The following DYNC2H1 variants were observed in gnomAD, a reference collection of about 807,000 sequenced individuals.
DYNC2H1 encodes cytoplasmic dynein 2 heavy chain 1.
DYNC2H1 carries 410 observed loss-of-function variants against 570.0 expected under a neutral mutation model. That is an observed-to-expected ratio of 0.72 (90% CI 0.66 to 0.78). The LOEUF (loss-of-function observed/expected upper bound fraction) is 0.78. Among genes scored for constraint, DYNC2H1 ranks in the 30% least tolerant of loss-of-function variants. The pLI, the probability that DYNC2H1 is intolerant of heterozygous loss-of-function variation, is 0.00. For synonymous variants in DYNC2H1, 1,688 were observed against 1,677.6 expected (o/e 1.01, Z -0.15); for missense variants, 4,865 against 5,046.4 (o/e 0.96, Z 1.09).
chr11:103,205,833 G>A lies in DYNC2H1; in HGVS notation c.8454+869G>A, dbSNP rs1419815118. 6.6e-6 allele frequency among the ~76,000 whole-genome samples: 1 copy of A among 152,176 alleles called. No homozygotes were observed. Among genetic ancestry groups the A allele is most frequent in the East Asian group, 1.9e-4 (1 of 5,184 alleles). ...AAGAGGCAACTTCACCTGGAGCAGAGTGATTGAGGGGAGAGTTGGTGAAGA... is the reference window on the plus strand; with the variant it reads ...AAGAGGCAACTTCACCTGGAGCAGAATGATTGAGGGGAGAGTTGGTGAAGA... On this transcript the variant is annotated intron_variant, in intron 52 of 88. Transcript: ENST00000375735. This position sits in a 1 kb window ranked among gnomAD's most constrained non-coding sequence, Gnocchi z 4.5.
chr11:103,116,435 C>T (rs752587189), intron 4 of DYNC2H1, 135 bp from the exon 5 acceptor site: 13 of 515,274 alleles, frequency 2.5e-5, no homozygotes, highest in Non-Finnish European at 3.7e-5. Flanking sequence ...TAGTTATAAG[C>T]TGTTAGAAAA....
Position 103,170,417 on chromosome 11 carries a change from A to T in DYNC2H1, c.5151+127A>T. ...AATTAGTTGAAGACAGAATTTGTTT[A>T]AATTGAAATGTAAAATGGACAGAGG... On this transcript the variant is annotated intron_variant, in intron 33 of 88. Transcript: ENST00000375735. This position sits in a 1 kb window ranked among gnomAD's most constrained non-coding sequence, Gnocchi z 4.8. 9.8e-7 allele frequency: 1 copy of T among 1,016,598 alleles called. No homozygotes were observed. Among genetic ancestry groups the T allele is most frequent in the Non-Finnish European group, 1.4e-6 (1 of 737,324 alleles). 63.0% of individuals were successfully genotyped at this position (1,016,598 alleles called of 1,614,324 possible).
chr11:103,438,121 C>T (rs1317498930), intron 85 of DYNC2H1, among the ~76,000 whole-genome samples: 2 of 152,042 alleles, frequency 1.3e-5, no homozygotes, highest in Non-Finnish European at 2.9e-5. Context: ...CATAGCTTAC[C>T]TTTCATCCTT....
Position 103,205,691 on chromosome 11 carries a change from C to A in DYNC2H1, c.8454+727C>A, listed in dbSNP as rs575534869. 5.3e-5 allele frequency among the ~76,000 whole-genome samples: 8 copies of A among 152,138 alleles called. No homozygotes were observed. The highest frequency in any genetic ancestry group is 2.1e-4 in the South Asian group (1 of 4,822). On this transcript the variant is annotated intron_variant, in intron 52 of 88. Coordinates refer to ENST00000375735, the MANE Select transcript of DYNC2H1 (RefSeq NM_001377.3). This position sits in a 1 kb window ranked among gnomAD's most constrained non-coding sequence, Gnocchi z 4.5. ...TGAGGACATAGCAGACGAAAAAAAACCAGAGAGAAATCCCTGCCCTCATGG... is the reference window on the plus strand; with the variant it reads ...TGAGGACATAGCAGACGAAAAAAAAACAGAGAGAAATCCCTGCCCTCATGG...
At chr11:103,321,790 T>C (rs761564097) in intron 81 of DYNC2H1, among the ~76,000 whole-genome samples, 1 of 152,094 alleles carries the variant, frequency 6.6e-6, no homozygotes, top group Non-Finnish European at 1.5e-5. Context: ...TTCCAGAAAA[T>C]AGTAATAAGT....
chr11:103,188,563 G>A lies in DYNC2H1; in HGVS notation c.7207G>A (p.Val2403Met). 1 of 1,610,778 alleles carries A rather than the reference G, an allele frequency of 6.2e-7. No individual in the cohort carries two copies. Among genetic ancestry groups the A allele is most frequent in the Non-Finnish European group, 8.5e-7 (1 of 1,177,962 alleles). ...EWVGLENIQIVASMSAGGRLG... is the reference protein window; with the variant it reads ...EWVGLENIQIMASMSAGGRLG... ...GGTTGGTCTAGAAAATATTCAAATT[G>A]TGGCTTCTATGTCAGCTGGAGGAAG... Residue 2403 changes from valine to methionine, a missense_variant, in exon 44 of 89, where the codon GTG becomes ATG. By Grantham distance (21) the Val-to-Met change is conservative (BLOSUM62 1). Around this residue, in one of 5 missense-constraint regions of DYNC2H1, gnomAD observed 2,401 missense variants for 2,454.6 expected, o/e 0.98. Coordinates refer to ENST00000375735, the MANE Select transcript of DYNC2H1 (RefSeq NM_001377.3).
At chr11:103,162,899 A>G in intron 29 of DYNC2H1, 129 bp from the exon 30 acceptor site, 1 of 670,500 alleles carries the variant, frequency 1.5e-6, no homozygotes, top group Non-Finnish European at 2.2e-6. Context: ...ATCAATAGGA[A>G]AGTATAATAC....
In DYNC2H1 at chr11:103,200,154, G is replaced by A; in HGVS notation, c.8197G>A (p.Gly2733Ser). 6.5e-7 allele frequency: 1 copy of A among 1,543,910 alleles called. No homozygotes were observed. The highest frequency in any genetic ancestry group is 8.8e-7 in the Non-Finnish European group (1 of 1,138,944). The change falls in exon 50 of 89, where the codon GGT becomes AGT. Residue 2733 changes from glycine to serine, a missense_variant and splice_region_variant. This residue lies in a region of DYNC2H1 where 2,401 missense variants were observed against 2,454.6 expected (regional missense o/e 0.98). Transcript: ENST00000375735. ...GATGATCAATAGCCTTTTGTCTTCA[G>A]GCAAGTGAACAGTTTCTTTTCGAAG... ...LEMINSLLSS[G>S]EVPGLYTLEE... is the part of the protein sequence containing the mutation.
At chr11:103,376,816 G>T (rs1941411764) in intron 83 of DYNC2H1, among the ~76,000 whole-genome samples, 1 of 152,110 alleles carries the variant, frequency 6.6e-6, no homozygotes, top group Admixed American at 6.5e-5. Context: ...TTTTTGTAAG[G>T]CCACTCTAGT....
chr11:103,312,837 T>C (rs1044332836), intron 79 of DYNC2H1, among the ~76,000 whole-genome samples: 1 of 152,288 alleles, frequency 6.6e-6, no homozygotes, highest in East Asian at 1.9e-4. Flanking sequence ...ACCAGTCAGT[T>C]CTTCCCAATA....
At chr11:103,173,758 G>C (rs1198015086) in intron 35 of DYNC2H1, among the ~76,000 whole-genome samples, 1 of 152,084 alleles carries the variant, frequency 6.6e-6, no homozygotes, top group Admixed American at 6.6e-5. Context: ...CAGAGATTGA[G>C]AGCAAGATGG....
At chr11:103,303,497 A>G (rs139201968) in intron 76 of DYNC2H1, among the ~76,000 whole-genome samples, 11 of 152,248 alleles carry the variant, frequency 7.2e-5, no homozygotes, top group African/African-American at 1.9e-4. Flanking sequence ...ATATAAAATC[A>G]CAAAGGTTTT....
At position 103,472,789 on chromosome 11, in the gene DYNC2H1, A is replaced by G. The variant is rs187789247; in HGVS notation, c.12765+4084A>G. 1.2e-3 allele frequency among the ~76,000 whole-genome samples: 183 copies of G among 152,280 alleles called. No individual in the cohort carries two copies. The highest frequency in any genetic ancestry group is 4.3e-3 in the African/African-American group (177 of 41,548). ...AAAAGATTATGTATTATTATATGAT[A>G]ATAATAAAATTCAGAACTTTGGTAA... On this transcript the variant is annotated intron_variant, in intron 88 of 88. Coordinates refer to ENST00000375735, the MANE Select transcript of DYNC2H1 (RefSeq NM_001377.3). This position sits in a 1 kb window ranked among gnomAD's most constrained non-coding sequence, Gnocchi z 4.1.
chr11:103,445,363 T>G (rs75754382), intron 85 of DYNC2H1, among the ~76,000 whole-genome samples: 17 of 152,342 alleles, frequency 1.1e-4, no homozygotes, highest in African/African-American at 4.1e-4. Flanking sequence ...CATCTTAAAG[T>G]ATGATTTTAT....
At chr11:103,197,539 C>T (rs1487052654) in intron 47 of DYNC2H1, among the ~76,000 whole-genome samples, 2 of 152,116 alleles carry the variant, frequency 1.3e-5, no homozygotes, top group Non-Finnish European at 2.9e-5. Flanking sequence ...CCTTAAACTC[C>T]TGGGCTCAAG....
Position 103,198,154 on chromosome 11 carries a change from A to G in DYNC2H1, c.7839+91A>G, listed in dbSNP as rs1024260866. On this transcript the variant is annotated intron_variant, in intron 48 of 88. Coordinates refer to ENST00000375735, the MANE Select transcript of DYNC2H1 (RefSeq NM_001377.3). ...TAAATATTTAGAGGGCATGAATATG[A>G]TAGATTGTAGAATAGGCAAAGCTGG... The G allele has an allele frequency of 2.2e-6, 3 of 1,391,046 alleles. No homozygotes were observed. In the African/African-American group the frequency reaches 4.3e-5, roughly 20 times the overall value. 86.2% of individuals were successfully genotyped at this position (1,391,046 alleles called of 1,614,324 possible). A position where few individuals can be genotyped will look rare whatever the true frequency, so the allele number is the denominator to read the frequency against.
intron 29 of DYNC2H1, 65 bp from the exon 30 acceptor site, chr11:103,162,963 T>C: frequency 7.1e-7 from 1 of 1,413,022 alleles, no homozygotes; most frequent in Admixed American, 1.8e-5. Context: ...ATTTTATGTC[T>C]TATATATATT....
At chr11:103,238,163 A>G (rs967775300) in intron 63 of DYNC2H1, among the ~76,000 whole-genome samples, 3 of 152,172 alleles carry the variant, frequency 2.0e-5, no homozygotes, top group Non-Finnish European at 2.9e-5. Context: ...TAACATCACC[A>G]TGTACGTAAA....
intron 47 of DYNC2H1, among the ~76,000 whole-genome samples, chr11:103,196,567 T>C (rs889993657): frequency 4.6e-5 from 7 of 152,148 alleles, no homozygotes; most frequent in Non-Finnish European, 1.0e-4. Flanking sequence ...TTTTGGTATA[T>C]AAATTATTGA....
Sources: allele counts gnomAD v4.1 joint callset (sites outside exome capture counted in the v4.1 genomes callset), GRCh38; gene constraint gnomAD v4.1.1; regional missense constraint gnomAD v4.1.1; non-coding constraint Gnocchi (gnomAD v3.1); transcripts MANE v1.5; gene names NCBI Gene and HGNC (gene_info 2026-07-23, HGNC 2026-07-21).